Variants in ROBO1 observed in about 807,000 individuals in gnomAD.
The protein encoded by ROBO1 is roundabout guidance receptor 1.
In ROBO1, 149 loss-of-function variants were observed where a neutral mutation model predicts 195.9. That is an observed-to-expected ratio of 0.76 (90% confidence interval 0.67 to 0.87). ROBO1 has a LOEUF of 0.87. ROBO1 is among the 40% of genes least tolerant of loss of function. ROBO1 has a pLI of 0.00. For missense variants in ROBO1, 1,933 were observed against 2,068.3 expected (o/e 0.93, Z 1.27); for synonymous variants, 816 against 733.2 (o/e 1.11, Z -1.82).
intron 4 of ROBO1, among the ~76,000 whole-genome samples, chr3:78,829,634 AT>A (rs1446019715): frequency 3.3e-5 from 5 of 152,050 alleles, no homozygotes; most frequent in Non-Finnish European, 7.3e-5. Context: ...GGAACTAATG[AT>A]TTCCCCCTCT....
chr3:79,396,440 A>G (rs1468531546), intron 2 of ROBO1, among the ~76,000 whole-genome samples: 2 of 152,078 alleles, frequency 1.3e-5, no homozygotes, highest in African/African-American at 4.8e-5. Flanking sequence ...AATTCTTTAT[A>G]TCATGAAAGA....
chr3:79,036,329 T>C (rs1053253733), intron 3 of ROBO1, among the ~76,000 whole-genome samples: 4 of 152,180 alleles, frequency 2.6e-5, no homozygotes, highest in African/African-American at 9.6e-5. Context: ...AAGCAAGTGA[T>C]GTGAATTTAT....
At chr3:78,910,057 A>G (rs1382069949) in intron 4 of ROBO1, among the ~76,000 whole-genome samples, 1 of 151,874 alleles carries the variant, frequency 6.6e-6, no homozygotes, top group African/African-American at 2.4e-5. Context: ...GAAGATGAAT[A>G]TGGGTATTAA....
chr3:78,601,639 G>GA (rs1703178423), intron 29 of ROBO1, among the ~76,000 whole-genome samples: 1 of 152,134 alleles, frequency 6.6e-6, no homozygotes, highest in Non-Finnish European at 1.5e-5. Context: ...TGCTCTCCAT[G>GA]AAATCAACAC....
chr3:78,744,383 C>T (rs1488191620), intron 5 of ROBO1, among the ~76,000 whole-genome samples: 1 of 152,206 alleles, frequency 6.6e-6, no homozygotes, highest in Non-Finnish European at 1.5e-5. Context: ...GTGGTTCTCC[C>T]TGCCTCTACC....
At chr3:79,200,220 T>A (rs1385585452) in intron 2 of ROBO1, among the ~76,000 whole-genome samples, 1 of 151,788 alleles carries the variant, frequency 6.6e-6, no homozygotes, top group African/African-American at 2.4e-5. Context: ...TGGTTAGCAA[T>A]TTTTGTGTGT....
intron 2 of ROBO1, among the ~76,000 whole-genome samples, chr3:79,502,457 C>A (rs1472091096): frequency 1.3e-5 from 2 of 152,248 alleles, no homozygotes; most frequent in Admixed American, 1.3e-4. Flanking sequence ...CGGGGCAGGG[C>A]TCGGGACCTG....
intron 2 of ROBO1, among the ~76,000 whole-genome samples, chr3:79,194,961 G>A (rs1259503374): frequency 6.6e-6 from 1 of 151,564 alleles, no homozygotes; most frequent in Non-Finnish European, 1.5e-5. Context: ...TGACTTAGAG[G>A]GCAATGCAGT....
intron 5 of ROBO1, among the ~76,000 whole-genome samples, chr3:78,729,504 C>T (rs2082240187): frequency 6.6e-6 from 1 of 152,182 alleles, no homozygotes; most frequent in South Asian, 2.1e-4. Flanking sequence ...TTCTGCTGGA[C>T]ACCCATTTTC....
intron 2 of ROBO1, among the ~76,000 whole-genome samples, chr3:79,269,654 T>C (rs1009299240): frequency 2.0e-5 from 3 of 151,798 alleles, no homozygotes; most frequent in Non-Finnish European, 4.4e-5. Flanking sequence ...AAATTAATAA[T>C]GTGTCTGTGA....
chr3:79,558,984 T>C (rs1942810929), intron 2 of ROBO1, among the ~76,000 whole-genome samples: 1 of 152,148 alleles, frequency 6.6e-6, no homozygotes, highest in Admixed American at 6.6e-5. Flanking sequence ...TTTTCAATAA[T>C]TGAATCCCCA....
At chr3:78,668,402 G>A in intron 12 of ROBO1, 82 bp downstream of exon 12, 2 of 1,584,602 alleles carry the variant, frequency 1.3e-6, no homozygotes, top group South Asian at 2.2e-5. Context: ...CAGGGAAGAG[G>A]ACATTTACTT....
chr3:78,868,874 T>A (rs920660498), intron 4 of ROBO1, among the ~76,000 whole-genome samples: 11 of 152,190 alleles, frequency 7.2e-5, no homozygotes, highest in Non-Finnish European at 1.3e-4. Flanking sequence ...TTTAAATATG[T>A]AACCTGTTAT....
Position 79,043,637 on chromosome 3 carries a change from T to C in ROBO1, c.172+81819A>G, listed in dbSNP as rs551654631. The stretch of plus-strand genomic sequence containing the variant: ...AGATTTAAGGGGAAAAATATTGGAA[T>C]GCAAAAGTGCATTTAACGTTTGTTT... On this transcript the variant is annotated intron_variant, in intron 3 of 30. Coordinates refer to ENST00000464233, the MANE Select transcript of ROBO1 (RefSeq NM_002941.4). Among the ~76,000 whole-genome samples the C allele has an allele frequency of 2.2e-4, 33 of 152,202 alleles. No individual in the cohort carries two copies. In the South Asian group the frequency reaches 6.8e-3, roughly 32 times the overall value.
chr3:79,049,130 C>T (rs1156694658), intron 3 of ROBO1, among the ~76,000 whole-genome samples: 3 of 152,008 alleles, frequency 2.0e-5, no homozygotes, highest in Non-Finnish European at 4.4e-5. Context: ...TAACCCACCG[C>T]AATGAAGCTA....
At chr3:79,601,909 A>T (rs1233834226) in intron 1 of ROBO1, among the ~76,000 whole-genome samples, 1 of 151,966 alleles carries the variant, frequency 6.6e-6, no homozygotes, top group Non-Finnish European at 1.5e-5. Flanking sequence ...TGGATGTGAC[A>T]TTGAAATTTA....
At chr3:79,013,157 C>A (rs1040858446) in intron 3 of ROBO1, among the ~76,000 whole-genome samples, 1 of 152,022 alleles carries the variant, frequency 6.6e-6, no homozygotes, top group Non-Finnish European at 1.5e-5. Flanking sequence ...CTAAGAGCAA[C>A]CACAGGGGAA....
intron 2 of ROBO1, among the ~76,000 whole-genome samples, chr3:79,437,505 A>C (rs1440435603): frequency 1.5e-5 from 2 of 137,644 alleles, no homozygotes; most frequent in African/African-American, 5.5e-5. Flanking sequence ...TAGAAGTTAT[A>C]TTGGTAATAG....
At chr3:79,476,822 C>T (rs945849443) in intron 2 of ROBO1, among the ~76,000 whole-genome samples, 1 of 151,948 alleles carries the variant, frequency 6.6e-6, no homozygotes, top group African/African-American at 2.4e-5. Flanking sequence ...GTACACTGCT[C>T]GGGTGATGAG....
Sources: allele counts gnomAD v4.1 joint callset (sites outside exome capture counted in the v4.1 genomes callset), GRCh38; gene constraint gnomAD v4.1.1; transcripts MANE v1.5; gene names NCBI Gene and HGNC (gene_info 2026-07-23, HGNC 2026-07-21).